OMA1: variants seen among roughly 807,000 people sequenced by gnomAD.
OMA1 encodes OMA1 zinc metallopeptidase.
OMA1 carries 38 observed loss-of-function variants against 30.9 expected under a neutral mutation model. That is an observed-to-expected ratio of 1.23 (90% confidence interval 0.95 to 1.61). OMA1 has a LOEUF of 1.61. Among genes scored for constraint, OMA1 ranks in the 40% most tolerant of loss-of-function variants. OMA1 has a pLI of 0.00. For synonymous variants in OMA1, 173 were observed against 121.9 expected (o/e 1.42, Z -2.76); for missense variants, 461 against 349.2 (o/e 1.32, Z -2.55).
intron 8 of OMA1, among the ~76,000 whole-genome samples, chr1:58,488,356 G>A (rs1006088314): frequency 6.6e-6 from 1 of 152,068 alleles, no homozygotes; most frequent in Admixed American, 6.6e-5. Context: ...GGTTTTTGGG[G>A]AACAGGCAGT....
chr1:58,515,805 T>C (rs1646149917), intron 7 of OMA1, among the ~76,000 whole-genome samples: 1 of 152,216 alleles, frequency 6.6e-6, no homozygotes, highest in South Asian at 2.1e-4. Flanking sequence ...ATAAATCACT[T>C]TACATCTTTA....
intron 1 of OMA1, among the ~76,000 whole-genome samples, chr1:58,543,803 C>T (rs1646659025): frequency 6.6e-6 from 1 of 152,100 alleles, no homozygotes; most frequent in Non-Finnish European, 1.5e-5. Flanking sequence ...AGGTGGCAAA[C>T]TCAAACGTCT....
intron 7 of OMA1, among the ~76,000 whole-genome samples, chr1:58,508,594 C>T (rs1345570116): frequency 1.1e-4 from 17 of 152,176 alleles, no homozygotes; most frequent in Non-Finnish European, 1.5e-5. Context: ...CCCACCACTC[C>T]TTGGGGAAGG....
intron 7 of OMA1, among the ~76,000 whole-genome samples, chr1:58,526,601 CAAAAA>C (rs10574530): frequency 1.6e-5 from 2 of 121,378 alleles, no homozygotes; most frequent in Admixed American, 8.0e-5. Context: ...CTATGGCTAG[CAAAAA>C]AAAAAAAAAA....
At chr1:58,543,595 A>T (rs1428165698) in intron 1 of OMA1, among the ~76,000 whole-genome samples, 1 of 152,170 alleles carries the variant, frequency 6.6e-6, no homozygotes, top group Non-Finnish European at 1.5e-5. Flanking sequence ...ATTATTTCTA[A>T]AATGCAAACC....
At chr1:58,490,795 CTTTTTTT>C (rs148145860) in intron 8 of OMA1, among the ~76,000 whole-genome samples, 8 of 59,242 alleles carry the variant, frequency 1.4e-4, no homozygotes, top group East Asian at 7.2e-4. Flanking sequence ...AGTCAACATT[CTTTTTTT>C]TTTTTTTTTT....
intron 7 of OMA1, among the ~76,000 whole-genome samples, chr1:58,513,632 T>A (rs1284818242): frequency 6.6e-6 from 1 of 152,168 alleles, no homozygotes; most frequent in Non-Finnish European, 1.5e-5. Flanking sequence ...ACTAAGATAA[T>A]GGAGAGACTA....
intron 1 of OMA1, among the ~76,000 whole-genome samples, chr1:58,541,890 G>A (rs1039537995): frequency 2.0e-5 from 3 of 152,086 alleles, no homozygotes; most frequent in South Asian, 2.1e-4. Flanking sequence ...GTATCTCAGT[G>A]ATAGTTACAT....
intron 8 of OMA1, among the ~76,000 whole-genome samples, chr1:58,493,069 T>C (rs933498005): frequency 2.4e-4 from 36 of 152,192 alleles, no homozygotes; most frequent in African/African-American, 8.0e-4. Flanking sequence ...TTATCCACCA[T>C]GATCAAGTGG....
At chr1:58,520,492 C>A (rs1359563638) in intron 7 of OMA1, among the ~76,000 whole-genome samples, 1 of 152,032 alleles carries the variant, frequency 6.6e-6, no homozygotes, top group African/African-American at 2.4e-5. Flanking sequence ...TAAATAATTA[C>A]AAATAAGAAA....
At chr1:58,498,081 C>G (rs553360993) in intron 8 of OMA1, among the ~76,000 whole-genome samples, 23 of 152,152 alleles carry the variant, frequency 1.5e-4, no homozygotes, top group Non-Finnish European at 2.5e-4. Context: ...TATCAAAATA[C>G]TTCTGAGAAA....
chr1:58,524,831 G>A (rs906678501), intron 7 of OMA1, among the ~76,000 whole-genome samples: 1 of 152,154 alleles, frequency 6.6e-6, no homozygotes, highest in Non-Finnish European at 1.5e-5. Flanking sequence ...TAAACACAAT[G>A]AAAAATATGC....
intron 7 of OMA1, among the ~76,000 whole-genome samples, chr1:58,512,132 T>C (rs1646086481): frequency 6.6e-6 from 1 of 152,058 alleles, no homozygotes; most frequent in Non-Finnish European, 1.5e-5. Flanking sequence ...CAAAAGTAGG[T>C]AACAAGTATT....
At chr1:58,524,673 G>A (rs1176311278) in intron 7 of OMA1, among the ~76,000 whole-genome samples, 2 of 152,158 alleles carry the variant, frequency 1.3e-5, no homozygotes, top group Non-Finnish European at 2.9e-5. Flanking sequence ...GGCAACCACA[G>A]CTGCAGACCT....
chr1:58,509,600 G>GAAAAAAAAAAAAAA (rs36019471), intron 7 of OMA1, among the ~76,000 whole-genome samples: 2 of 96,638 alleles, frequency 2.1e-5, no homozygotes, highest in Non-Finnish European at 4.4e-5. Flanking sequence ...TACCAAAAAA[G>GAAAAAAAAAAAAAA]AAAAAAAAAA....
At chr1:58,517,688 T>C (rs969135389) in intron 7 of OMA1, among the ~76,000 whole-genome samples, 2 of 152,166 alleles carry the variant, frequency 1.3e-5, no homozygotes, top group Non-Finnish European at 2.9e-5. Context: ...ATCCCTATAA[T>C]CTGGAAGTTA....
chr1:58,545,419 C>CG (rs1646686211), intron 1 of OMA1, among the ~76,000 whole-genome samples: 1 of 152,048 alleles, frequency 6.6e-6, no homozygotes, highest in South Asian at 2.1e-4. Flanking sequence ...TTGTAATACC[C>CG]GGTTTATCCT....
intron 8 of OMA1, among the ~76,000 whole-genome samples, chr1:58,484,505 T>A (rs1287775616): frequency 3.3e-5 from 5 of 152,220 alleles, no homozygotes; most frequent in African/African-American, 9.6e-5. Flanking sequence ...TTTATATAGA[T>A]AATTACATAA....
chr1:58,522,712 T>A (rs1646284098), intron 7 of OMA1, among the ~76,000 whole-genome samples: 1 of 152,242 alleles, frequency 6.6e-6, no homozygotes, highest in Non-Finnish European at 1.5e-5. Flanking sequence ...AGTAACACAG[T>A]AAATTAACAT....
Sources: gnomAD v4.1 joint callset for allele counts (sites outside exome capture counted in the v4.1 genomes callset) on GRCh38, gnomAD v4.1.1 for gene constraint, MANE v1.5 for transcripts, NCBI Gene and HGNC (gene_info 2026-07-23, HGNC 2026-07-21) for gene names.